Variants in NDUFA10 observed in about 807,000 individuals in gnomAD.
NDUFA10 encodes NADH dehydrogenase [ubiquinone] 1 alpha subcomplex subunit 10, mitochondrial.
In NDUFA10, 40 loss-of-function variants were observed where a neutral mutation model predicts 47.8. The observed-to-expected ratio is 0.84, with a 90% CI of 0.65 to 1.09. The LOEUF (loss-of-function observed/expected upper bound fraction) is 1.09, where lower values mean the gene tolerates loss of function less well. NDUFA10 is among the 50% of genes least tolerant of loss of function. NDUFA10 has a pLI of 0.00. For synonymous variants in NDUFA10, 183 were observed against 172.2 expected (o/e 1.06, Z -0.49); for missense variants, 413 against 451.1 (o/e 0.92, Z 0.76).
intron 9 of NDUFA10, among the ~76,000 whole-genome samples, chr2:239,974,111 AAG>A (rs1695413221): frequency 6.6e-6 from 1 of 151,964 alleles, no homozygotes; most frequent in African/African-American, 2.4e-5. Flanking sequence ...GTTTTTTAGG[AAG>A]AGACAGGGTT....
chr2:239,981,823 A>G (rs1179534093), intron 9 of NDUFA10, among the ~76,000 whole-genome samples: 1 of 152,096 alleles, frequency 6.6e-6, no homozygotes, highest in Non-Finnish European at 1.5e-5. Flanking sequence ...TAATTTTATT[A>G]TTTTTAGAAA....
chr2:239,915,325 C>CATACACAGACACAAATATACAGACACAT (rs1553555129), intron 4 of NDUFA10, among the ~76,000 whole-genome samples: 1 of 135,320 alleles, frequency 7.4e-6, no homozygotes, highest in Non-Finnish European at 1.6e-5. Flanking sequence ...TACACACACA[C>CATACACAGACACAAATATACAGACACAT]ACAGAGAACG....
At chr2:239,931,386 G>A (rs187069576) in intron 4 of NDUFA10, among the ~76,000 whole-genome samples, 343 of 152,318 alleles carry the variant, frequency 2.3e-3, no homozygotes, top group Middle Eastern at 6.8e-3. Flanking sequence ...GGATGTGCCC[G>A]AAAGCCAGGA....
intron 8 of NDUFA10, among the ~76,000 whole-genome samples, chr2:239,999,702 T>A (rs1010819222): frequency 2.0e-5 from 3 of 152,278 alleles, no homozygotes; most frequent in Non-Finnish European, 2.9e-5. Context: ...ATGTGCCATC[T>A]GTTTCCTACG....
chr2:240,012,290 C>T (rs964333951), intron 5 of NDUFA10: 7 of 162,706 alleles, frequency 4.3e-5, no homozygotes, highest in African/African-American at 1.7e-4. Context: ...TACAGTCTCA[C>T]ACTATCTTCT....
At chr2:239,905,460 G>A (rs1693633281) in intron 4 of NDUFA10, among the ~76,000 whole-genome samples, 1 of 152,264 alleles carries the variant, frequency 6.6e-6, no homozygotes, top group African/African-American at 2.4e-5. Context: ...AGCAGGGCAT[G>A]CGTATGTGTG....
chr2:239,922,317 T>C (rs1694003081), intron 4 of NDUFA10, among the ~76,000 whole-genome samples: 2 of 152,172 alleles, frequency 1.3e-5, no homozygotes, highest in African/African-American at 2.4e-5. Context: ...CTGCTGACTA[T>C]GGCTGGGCAG....
At chr2:239,905,436 G>A (rs72999754) in intron 4 of NDUFA10, among the ~76,000 whole-genome samples, 6,140 of 152,330 alleles carry the variant, frequency 0.04, 212 homozygotes, top group African/African-American at 0.097. Flanking sequence ...CGGGACTCTC[G>A]GCTACCGAGG....
At chr2:239,983,428 T>C (rs1191690399) in intron 9 of NDUFA10, 3 of 1,483,518 alleles carry the variant, frequency 2.0e-6, no homozygotes, top group Admixed American at 2.3e-5. Context: ...TTATTATTTA[T>C]TACTATTTAA....
chr2:239,989,880 T>C (rs183803941), intron 9 of NDUFA10, among the ~76,000 whole-genome samples, 194 bp downstream of exon 9: 21 of 152,348 alleles, frequency 1.4e-4, no homozygotes, highest in Admixed American at 9.8e-4. Flanking sequence ...GGGGCTGTCA[T>C]CTGAGGACTT....
intron 9 of NDUFA10, among the ~76,000 whole-genome samples, chr2:239,964,033 T>C (rs1694961360): frequency 6.6e-6 from 1 of 152,166 alleles, no homozygotes; most frequent in Non-Finnish European, 1.5e-5. Context: ...CTGGGCCACC[T>C]TTCACACGCC....
intron 4 of NDUFA10, among the ~76,000 whole-genome samples, chr2:239,904,447 G>A (rs10755056): frequency 0.31 from 46,899 of 151,876 alleles, 7,507 homozygotes; most frequent in Middle Eastern, 0.36. Context: ...ACAGGCACAC[G>A]CCATGTCCAG....
intron 9 of NDUFA10, among the ~76,000 whole-genome samples, chr2:239,980,743 A>T (rs553672764): frequency 1.3e-5 from 2 of 152,242 alleles, no homozygotes; most frequent in Non-Finnish European, 2.9e-5. Flanking sequence ...CTAAGAAGGA[A>T]GAGTGAGTGG....
rs74188550 is a variant in NDUFA10, at chr2:239,995,348, G to A, written c.891-5166C>T. Reference sequence around the variant, plus strand: ...CAGGAGGAGCCAAGAAGACTGTGCCGTCGGTACCTGCAGCCCCATGGAGCA... The same window carrying A: ...CAGGAGGAGCCAAGAAGACTGTGCCATCGGTACCTGCAGCCCCATGGAGCA... On this transcript the variant is annotated intron_variant, in intron 8 of 9. Transcript: ENST00000252711. 4.3e-3 allele frequency among the ~76,000 whole-genome samples: 660 copies of A among 152,206 alleles called. 12 individuals are homozygous for A. Among genetic ancestry groups the A allele is most frequent in the East Asian group, 0.043 (220 of 5,172 alleles).
intron 8 of NDUFA10, among the ~76,000 whole-genome samples, chr2:239,994,240 A>C (rs1185501357): frequency 6.6e-6 from 1 of 152,190 alleles, no homozygotes; most frequent in Admixed American, 6.5e-5. Context: ...CTGGCCACAC[A>C]GCAGGAGGTG....
intron 9 of NDUFA10, chr2:239,976,727 G>C (rs936231252): frequency 2.6e-5 from 4 of 152,254 alleles, no homozygotes; most frequent in African/African-American, 9.6e-5. Flanking sequence ...ACTGAAGAGT[G>C]ACAAGGAGGA....
At position 239,928,432 on chromosome 2, in the gene NDUFA10, C is replaced by A. The variant is rs894427085; in HGVS notation, c.295-33118G>T. On this transcript the variant is annotated intron_variant, in intron 4 of 5. Coordinates refer to the NDUFA10 transcript ENST00000419408. This position sits in a 1 kb window ranked among gnomAD's most constrained non-coding sequence, Gnocchi z 4.3. ...ACCACTTGCGATCTGAAAATTACTT[C>A]TATTGTGATTATTATTCTGTGAAGT... 5.3e-5 allele frequency among the ~76,000 whole-genome samples: 8 copies of A among 152,174 alleles called. No homozygotes were observed. Among genetic ancestry groups the A allele is most frequent in the African/African-American group, 1.9e-4 (8 of 41,440 alleles).
chr2:239,986,700 A>C (rs986804164), intron 9 of NDUFA10, among the ~76,000 whole-genome samples: 3 of 152,220 alleles, frequency 2.0e-5, no homozygotes, highest in African/African-American at 7.2e-5. Flanking sequence ...AGAAAATTAT[A>C]ATTTGGCAAT....
chr2:240,011,298 A>C (rs1456199902), intron 6 of NDUFA10, among the ~76,000 whole-genome samples: 1 of 152,244 alleles, frequency 6.6e-6, no homozygotes. Flanking sequence ...TTGCCACCTG[A>C]AGTAAAAATA....
Sources: gnomAD v4.1 joint callset for allele counts (sites outside exome capture counted in the v4.1 genomes callset) on GRCh38, gnomAD v4.1.1 for gene constraint, Gnocchi (gnomAD v3.1) non-coding constraint, MANE v1.5 for transcripts, NCBI Gene and HGNC (gene_info 2026-07-23, HGNC 2026-07-21) for gene names.